CPXCR1: variants seen among roughly 807,000 people sequenced by gnomAD.
CPXCR1 encodes the protein CPX chromosome region candidate 1, also known as CPX chromosomal region candidate gene 1 protein.
CPXCR1 carries 15 observed loss-of-function variants against 13.8 expected under a neutral mutation model. The observed-to-expected ratio is 1.09, with a 90% CI of 0.73 to 1.67. CPXCR1 has a LOEUF of 1.67. Ranked by LOEUF, CPXCR1 falls within the 40% of genes most tolerant of loss-of-function variation. The pLI is 0.00. For synonymous variants in CPXCR1, 70 were observed against 76.7 expected, an observed-to-expected ratio of 0.91 and a Z score of 0.46; for missense variants, 247 against 223.6, an observed-to-expected ratio of 1.10 and a Z score of -0.67.
chrX:88,754,098 A>T lies in CPXCR1; in HGVS notation c.684A>T (p.Arg228Ser), dbSNP rs904868858. 4 of 1,206,039 alleles carry T rather than the reference A, an allele frequency of 3.3e-6. No individual in the cohort carries two copies. In the Admixed American group the frequency reaches 6.5e-5, roughly 20 times the overall value. The part of the protein sequence containing the change: ...CKSTDTKGKC[R>S]FRAIVRSVLF... ...CAACTGACACTAAAGGGAAATGTAG[A>T]TTCCGTGCTATTGTGAGGTCTGTGC... The change falls in exon 3 of 3, where the codon AGA becomes AGT. Residue 228 changes from arginine to serine, a missense_variant. Arg to Ser is a moderately radical substitution (Grantham distance 110). Transcript: ENST00000276127.
chrX:88,752,462 C>T (rs1924945444), intron 2 of CPXCR1, among the ~76,000 whole-genome samples: 1 of 111,557 alleles, frequency 9.0e-6, no homozygotes, highest in Non-Finnish European at 1.9e-5. Context: ...ACCCTACTTT[C>T]CCTTCTCACG....
chrX:88,753,136 C>T (rs973158465), intron 2 of CPXCR1, among the ~76,000 whole-genome samples: 1 of 111,046 alleles, frequency 9.0e-6, no homozygotes, highest in Non-Finnish European at 1.9e-5. Flanking sequence ...AGGGTATATA[C>T]CTAAAATAGC....
chrX:88,751,165 G>T (rs970800682), intron 2 of CPXCR1, among the ~76,000 whole-genome samples: 2 of 111,337 alleles, frequency 1.8e-5, no homozygotes, highest in Non-Finnish European at 3.8e-5. Context: ...TGAGGTTAGG[G>T]TGCCGATTTT....
chrX:88,754,348 A>G lies in CPXCR1; in HGVS notation c.*28A>G. 1 of 960,738 alleles carries G rather than the reference A, an allele frequency of 1.0e-6. No individual in the cohort carries two copies. The highest frequency in any genetic ancestry group is 1.4e-6 in the Non-Finnish European group (1 of 708,908). The allele number at this position is 960,738 out of a possible 1,213,427, so 79.2% of individuals were successfully genotyped here. Reference sequence around the variant, plus strand: ...TAAATTGGGGTAAATTCATTTTAAAATATAACTTCTAAAATTCATAATTTG... The same window carrying G: ...TAAATTGGGGTAAATTCATTTTAAAGTATAACTTCTAAAATTCATAATTTG... On this transcript the variant is annotated 3_prime_UTR_variant, in exon 3 of 3. Coordinates refer to ENST00000276127, the MANE Select transcript of CPXCR1 (RefSeq NM_033048.6).
At chrX:88,750,214 A>T (rs892813860) in intron 2 of CPXCR1, among the ~76,000 whole-genome samples, 1 of 111,491 alleles carries the variant, frequency 9.0e-6, no homozygotes, top group African/African-American at 3.3e-5. Context: ...TGGGTTTGTC[A>T]TAAATAGCTC....
chrX:88,752,866 C>T (rs765573097), intron 2 of CPXCR1, among the ~76,000 whole-genome samples: 9 of 111,433 alleles, frequency 8.1e-5, no homozygotes, highest in East Asian at 2.8e-4. Flanking sequence ...CTTTTAAAAA[C>T]GTAGGTTTTT....
In CPXCR1 at chrX:88,753,798, C is replaced by A. The variant is rs764798676; in HGVS notation, c.384C>A (p.His128Gln). The A allele has an allele frequency of 8.3e-7, 1 of 1,209,766 alleles. No homozygotes were observed. Among genetic ancestry groups the A allele is most frequent in the Non-Finnish European group, 1.1e-6 (1 of 894,425 alleles). ...AAGCAAACAATTTCCCCATAAATCA[C>A]AAAACTCGTTTTCGACTTTCAACTT... Reference protein sequence around the residue: ...EMKANNFPINHKTRFRLSTSW... With the variant: ...EMKANNFPINQKTRFRLSTSW... Residue 128 changes from histidine to glutamine, a missense_variant, in exon 3 of 3, where the codon CAC becomes CAA. His to Gln is a conservative substitution (Grantham distance 24, BLOSUM62 0). Coordinates refer to ENST00000276127, the MANE Select transcript of CPXCR1 (RefSeq NM_033048.6).
At chrX:88,750,720 G>T (rs1294625095) in intron 2 of CPXCR1, among the ~76,000 whole-genome samples, 1 of 111,441 alleles carries the variant, frequency 9.0e-6, no homozygotes, top group Non-Finnish European at 1.9e-5. Context: ...TTTTTGGTTG[G>T]CAGGCTATTA....
In CPXCR1 at chrX:88,754,098, AT is replaced by A; in HGVS notation, c.686del (p.Phe229SerfsTer5). ...KSTDTKGKCR[F>X]RAIVRSVLFV... ...CAACTGACACTAAAGGGAAATGTAG[AT>A]TCCGTGCTATTGTGAGGTCTGTGCT... is the stretch of plus-strand genomic sequence containing the variant. On this transcript the variant is annotated frameshift_variant, in exon 3 of 3. Coordinates refer to ENST00000276127, the MANE Select transcript of CPXCR1 (RefSeq NM_033048.6). LOFTEE classifies it high-confidence loss of function. 3 of 1,206,039 alleles carry A rather than the reference AT, an allele frequency of 2.5e-6. No individual in the cohort carries two copies. Among genetic ancestry groups the A allele is most frequent in the Non-Finnish European group, 3.4e-6 (3 of 890,771 alleles).
Position 88,754,060 on chromosome X carries a change from A to C in CPXCR1, c.646A>C (p.Lys216Gln). The C allele has an allele frequency of 8.3e-7, 1 of 1,211,036 alleles. No homozygotes were observed. Residue 216 changes from lysine (K) to glutamine (Q), a missense_variant, in exon 3 of 3, where the codon AAA (lysine) becomes CAA (glutamine). By Grantham distance (53) the Lys-to-Gln change is moderately conservative. Transcript: ENST00000276127. ...CCTCACTGAGAGAATGACATCAGGAAAATTTTGCAAATCAACTGACACTAA... is the reference window on the plus strand; with the variant it reads ...CCTCACTGAGAGAATGACATCAGGACAATTTTGCAAATCAACTGACACTAA... ...RPLTERMTSG[K>Q]FCKSTDTKGK...
At chrX:88,751,680 T>C (rs931069472) in intron 2 of CPXCR1, among the ~76,000 whole-genome samples, 5 of 111,420 alleles carry the variant, frequency 4.5e-5, no homozygotes, top group Admixed American at 9.6e-5. Flanking sequence ...ATAAAAGATA[T>C]AACGTTTGAT....
Position 88,753,924 on chromosome X carries a change from C to T in CPXCR1, c.510C>T (p.Thr170=). 1 of 1,210,676 alleles carries T rather than the reference C, an allele frequency of 8.3e-7. No individual in the cohort carries two copies. The highest frequency in any genetic ancestry group is 2.3e-4 in the Middle Eastern group (1 of 4,347). ...YFSQAAGCQN[T]MWVKRKYIAC... ...CTCAGGCTGCAGGGTGTCAGAATAC[C>T]ATGTGGGTAAAGCGAAAATATATAG... Residue 170 remains threonine, a synonymous_variant, in exon 3 of 3, where the codon ACC becomes ACT. Coordinates refer to ENST00000276127, the MANE Select transcript of CPXCR1 (RefSeq NM_033048.6).
chrX:88,754,255 T>G lies in CPXCR1; in HGVS notation c.841T>G (p.Cys281Gly), dbSNP rs757853513. The G allele has an allele frequency of 9.4e-6, 11 of 1,175,769 alleles. No individual in the cohort carries two copies. Among genetic ancestry groups the G allele is most frequent in the East Asian group, 9.0e-5 (3 of 33,418 alleles). The change falls in exon 3 of 3, where the codon TGT (cysteine) becomes GGT (glycine). Residue 281 changes from cysteine to glycine, a missense_variant. By Grantham distance (159) the Cys-to-Gly change is radical (BLOSUM62 -3). Transcript: ENST00000276127. Reference protein sequence around the residue: ...NNGWKYFCPICGRLFNTYSEL... With the variant: ...NNGWKYFCPIGGRLFNTYSEL... ...TGGTTGGAAATACTTTTGTCCCATC[T>G]GTGGAAGGCTTTTTAACACTTACTC...
chrX:88,752,599 T>G (rs1924952354), intron 2 of CPXCR1, among the ~76,000 whole-genome samples: 1 of 109,982 alleles, frequency 9.1e-6, no homozygotes, highest in African/African-American at 3.3e-5. Context: ...CAGGCAGGAG[T>G]GCAATGGCAC....
At chrX:88,750,148 G>A (rs1213385854) in intron 2 of CPXCR1, among the ~76,000 whole-genome samples, 1 of 110,995 alleles carries the variant, frequency 9.0e-6, no homozygotes, top group Non-Finnish European at 1.9e-5. Context: ...CTTGTCTTGT[G>A]GCAGTTTTCA....
Position 88,753,654 on chromosome X carries a change from A to G in CPXCR1, c.240A>G (p.Gln80=), listed in dbSNP as rs111280995. ...TCGAAACAGAGATCCAAAAAGATCA[A>G]CGAGAAGAAGATCTAAAAGAAGAGC... ...SELETEIQKD[Q]REEDLKEELL... is the part of the protein sequence containing the mutation. Residue 80 remains glutamine, a synonymous_variant, in exon 3 of 3, where the codon CAA becomes CAG. Transcript: ENST00000276127. The G allele has an allele frequency of 6.6e-6, 8 of 1,206,969 alleles. No homozygotes were observed. Among genetic ancestry groups the G allele is most frequent in the African/African-American group, 1.8e-5 (1 of 56,782 alleles).
chrX:88,747,515 C>T (rs1025753907), intron 1 of CPXCR1, 146 bp downstream of exon 1: 10 of 112,290 alleles, frequency 8.9e-5, no homozygotes, highest in Non-Finnish European at 1.9e-4. Flanking sequence ...AATATGTTCA[C>T]ATATGTTTGA....
At position 88,754,081 on chromosome X, in the gene CPXCR1, A is replaced by G; in HGVS notation, c.667A>G (p.Thr223Ala). 8.3e-7 allele frequency: 1 copy of G among 1,209,423 alleles called. No individual in the cohort carries two copies. Among genetic ancestry groups the G allele is most frequent in the Non-Finnish European group, 1.1e-6 (1 of 893,634 alleles). ...TSGKFCKSTD[T>A]KGKCRFRAIV... ...AGGAAAATTTTGCAAATCAACTGAC[A>G]CTAAAGGGAAATGTAGATTCCGTGC... Residue 223 changes from threonine (T) to alanine (A), a missense_variant, in exon 3 of 3, where the codon ACT becomes GCT. Coordinates refer to ENST00000276127, the MANE Select transcript of CPXCR1 (RefSeq NM_033048.6).
intron 2 of CPXCR1, among the ~76,000 whole-genome samples, chrX:88,752,190 G>A (rs1308316016): frequency 9.0e-6 from 1 of 111,614 alleles, no homozygotes; most frequent in Non-Finnish European, 1.9e-5. Flanking sequence ...CAGAGTATTA[G>A]GGTACACTGA....
Sources: allele counts gnomAD v4.1 joint callset (sites outside exome capture counted in the v4.1 genomes callset), GRCh38; gene constraint gnomAD v4.1.1; transcripts MANE v1.5; gene names NCBI Gene and HGNC (gene_info 2026-07-23, HGNC 2026-07-21).